The following HEMK2 variants were observed in gnomAD, a reference collection of about 807,000 sequenced individuals.
The protein encoded by HEMK2 is HemK methyltransferase 2, ETF1 glutamine and histone H4 lysine.
the HEMK2 span, among the ~76,000 whole-genome samples, chr21:28,597,235 A>G: frequency 2.1e-4 from 32 of 152,240 alleles, no homozygotes; most frequent in Non-Finnish European, 2.5e-4. Flanking sequence ...GCACATCAAC[A>G]GGTGAAAAAT....
At chr21:28,726,735 C>T in the HEMK2 span, among the ~76,000 whole-genome samples, 1 of 152,016 alleles carries the variant, frequency 6.6e-6, no homozygotes. Context: ...TGTCAAAACC[C>T]CATCTCTACT....
At chr21:28,773,081 A>G in the HEMK2 span, among the ~76,000 whole-genome samples, 2 of 152,188 alleles carry the variant, frequency 1.3e-5, no homozygotes, top group Non-Finnish European at 2.9e-5. Flanking sequence ...CCAAGCCTCA[A>G]TCTCTTAGAA....
At chr21:28,632,895 A>C in the HEMK2 span, among the ~76,000 whole-genome samples, 1 of 152,238 alleles carries the variant, frequency 6.6e-6, no homozygotes, top group Admixed American at 6.5e-5. Flanking sequence ...AGCAAAAAGC[A>C]GACGCAGTGT....
At chr21:28,618,341 A>C in the HEMK2 span, among the ~76,000 whole-genome samples, 2 of 152,148 alleles carry the variant, frequency 1.3e-5, no homozygotes, top group African/African-American at 4.8e-5. Context: ...TTTTTGCTTG[A>C]ACTTACAAAA....
At chr21:28,820,287 TC>T in the HEMK2 span, among the ~76,000 whole-genome samples, 5 of 152,136 alleles carry the variant, frequency 3.3e-5, no homozygotes, top group African/African-American at 7.2e-5. Context: ...CCTCTGCCTC[TC>T]CCAAACACAA....
the HEMK2 span, among the ~76,000 whole-genome samples, chr21:28,843,958 T>C: frequency 6.6e-6 from 1 of 152,160 alleles, no homozygotes. Flanking sequence ...CATATATTTA[T>C]ATGCACTATT....
the HEMK2 span, among the ~76,000 whole-genome samples, chr21:28,579,109 C>T: frequency 2.0e-5 from 3 of 152,030 alleles, no homozygotes; most frequent in African/African-American, 2.4e-5. Flanking sequence ...GGGTAGAAAT[C>T]GAGTTGTAGA....
the HEMK2 span, among the ~76,000 whole-genome samples, chr21:28,722,173 G>C: frequency 6.6e-6 from 1 of 151,134 alleles, no homozygotes; most frequent in Non-Finnish European, 1.5e-5. Context: ...CAGGTCAAAA[G>C]GTAGGAAGAT....
At chr21:28,647,159 T>C in the HEMK2 span, among the ~76,000 whole-genome samples, 2 of 151,762 alleles carry the variant, frequency 1.3e-5, no homozygotes, top group African/African-American at 4.8e-5. Context: ...ATTCTGAGGA[T>C]GGGCTAATAC....
chr21:28,648,983 T>G, the HEMK2 span, among the ~76,000 whole-genome samples: 1 of 144,434 alleles, frequency 6.9e-6, no homozygotes, highest in Non-Finnish European at 1.5e-5. Flanking sequence ...CCCCTTCCTG[T>G]GTCCATGTGT....
At chr21:28,833,720 A>G in the HEMK2 span, among the ~76,000 whole-genome samples, 1 of 152,334 alleles carries the variant, frequency 6.6e-6, no homozygotes, top group South Asian at 2.1e-4. Context: ...TTACAAGCTC[A>G]GGTTTGGACA....
chr21:28,870,203 C>CA, the HEMK2 span, among the ~76,000 whole-genome samples: 27,021 of 151,762 alleles, frequency 0.18, 2,490 homozygotes, highest in South Asian at 0.23. Flanking sequence ...GGTTAAAAAA[C>CA]AAAAAAAAGT....
the HEMK2 span, among the ~76,000 whole-genome samples, chr21:28,657,268 G>A: frequency 6.6e-6 from 1 of 152,020 alleles, no homozygotes; most frequent in African/African-American, 2.4e-5. Context: ...TCAAGAGGTA[G>A]CAGCAAACCC....
chr21:28,603,549 ATGTGTGTGTGTGTGTGTGTGTG>A, the HEMK2 span, among the ~76,000 whole-genome samples: 139 of 135,820 alleles, frequency 1.0e-3, no homozygotes, highest in Non-Finnish European at 1.7e-3. Context: ...GAGGATATAT[ATGTGTGTGTGTGTGTGTGTGTG>A]TGTGTGTGTG....
the HEMK2 span, among the ~76,000 whole-genome samples, chr21:28,620,107 AT>A: frequency 6.6e-6 from 1 of 152,138 alleles, no homozygotes; most frequent in Non-Finnish European, 1.5e-5. Context: ...GGACATTCAA[AT>A]TTTGCATGCC....
chr21:28,832,016 T>A, the HEMK2 span, among the ~76,000 whole-genome samples: 647 of 152,368 alleles, frequency 4.2e-3, 3 homozygotes, highest in Non-Finnish European at 7.3e-3. Flanking sequence ...ATTAACTATT[T>A]TTTTAACAAG....
At chr21:28,797,883 G>A in the HEMK2 span, among the ~76,000 whole-genome samples, 1 of 152,158 alleles carries the variant, frequency 6.6e-6, no homozygotes, top group Admixed American at 6.5e-5. Context: ...GAGGCTTAAA[G>A]GAGCATTTAG....
chr21:28,824,871 G>T, the HEMK2 span, among the ~76,000 whole-genome samples: 3 of 152,300 alleles, frequency 2.0e-5, no homozygotes, highest in East Asian at 3.9e-4. Context: ...CAACATCACT[G>T]AATGTATTAA....
chr21:28,842,934 T>C, the HEMK2 span, among the ~76,000 whole-genome samples: 7 of 152,236 alleles, frequency 4.6e-5, no homozygotes. Context: ...AAGTCTACAA[T>C]GGGAGATAGC....
Sources: allele counts gnomAD v4.1 joint callset (sites outside exome capture counted in the v4.1 genomes callset), GRCh38; gene constraint gnomAD v4.1.1; transcripts MANE v1.5; gene names NCBI Gene and HGNC (gene_info 2026-07-23, HGNC 2026-07-21).